Variants in NPEPPS observed in about 807,000 individuals in gnomAD.
The protein encoded by NPEPPS is aminopeptidase puromycin sensitive, also known as puromycin-sensitive aminopeptidase.
Under a neutral mutation model 115.5 loss-of-function variants are expected in NPEPPS, and 14 were observed. The observed-to-expected ratio is 0.12, with a 90% confidence interval of 0.08 to 0.19. The LOEUF is 0.19. Ranked by LOEUF, NPEPPS falls within the 10% of genes least tolerant of loss-of-function variation. The pLI, the probability that NPEPPS is intolerant of heterozygous loss-of-function variation, is 1.00. For synonymous variants in NPEPPS, 285 were observed against 390.6 expected (o/e 0.73, Z 3.19); for missense variants, 523 against 1,110.8 (o/e 0.47, Z 7.52).
At position 47,613,751 on chromosome 17, in the gene NPEPPS, T is replaced by G. The variant is rs186171832; in HGVS notation, c.2295+26T>G. The G allele has an allele frequency of 2.0e-5, 32 of 1,570,788 alleles. No homozygotes were observed. The East Asian group carries it at 7.2e-4, about 35-fold the overall frequency. On this transcript the variant is annotated intron_variant, in intron 19 of 22. Transcript: ENST00000322157. ...GTAAGTATATTTGAGAAGGCTCCCA[T>G]TTCCTGCTTTTGAACTTGGATAGAC...
chr17:47,556,290 G>C (rs1289965224), intron 2 of NPEPPS, among the ~76,000 whole-genome samples: 2 of 151,146 alleles, frequency 1.3e-5, no homozygotes, highest in African/African-American at 4.9e-5. Context: ...GACTCTTAAC[G>C]AGCATGCTAC....
At chr17:47,568,014 A>G (rs534567613) in intron 2 of NPEPPS, among the ~76,000 whole-genome samples, 1 of 152,286 alleles carries the variant, frequency 6.6e-6, no homozygotes, top group East Asian at 1.9e-4. Context: ...TTGGATATAT[A>G]CTTAGGAATG....
intron 2 of NPEPPS, among the ~76,000 whole-genome samples, chr17:47,565,498 T>C (rs1597842866): frequency 2.1e-5 from 2 of 95,862 alleles, no homozygotes; most frequent in Non-Finnish European, 3.8e-5. Flanking sequence ...AGAGCAAGAC[T>C]CCATCTCAAA....
chr17:47,565,951 G>A (rs1302442335), intron 2 of NPEPPS, among the ~76,000 whole-genome samples: 2 of 152,080 alleles, frequency 1.3e-5, no homozygotes, highest in Non-Finnish European at 2.9e-5. Context: ...AGTAAAAGAG[G>A]CACCACCAGC....
chr17:47,559,848 G>A (rs1419934315), intron 2 of NPEPPS, among the ~76,000 whole-genome samples: 2 of 152,182 alleles, frequency 1.3e-5, no homozygotes, highest in Middle Eastern at 3.4e-3. Flanking sequence ...GGCTTAAGCA[G>A]TCCTTCCACC....
chr17:47,568,916 A>G (rs1007345841), intron 2 of NPEPPS, among the ~76,000 whole-genome samples: 2 of 151,592 alleles, frequency 1.3e-5, no homozygotes, highest in African/African-American at 4.8e-5. Context: ...CGGCCTCCCA[A>G]AGTGCTGGGA....
chr17:47,538,480 C>T (rs1480078743), intron 1 of NPEPPS, among the ~76,000 whole-genome samples: 2 of 149,472 alleles, frequency 1.3e-5, no homozygotes, highest in Non-Finnish European at 3.0e-5. Flanking sequence ...TCCTAAAGTG[C>T]TGGGATTACA....
chr17:47,590,828 G>C lies in NPEPPS; in HGVS notation c.1207G>C (p.Asp403His). Residue 403 changes from aspartate (D) to histidine (H), a missense_variant, in exon 10 of 23, where the codon GAT becomes CAT. Physicochemically the swap from Asp to His is moderately conservative, Grantham distance 81. Coordinates refer to ENST00000322157, the MANE Select transcript of NPEPPS (RefSeq NM_006310.4). Reference protein sequence around the residue: ...YDIWTQFVSADYTRAQELDAL... With the variant: ...YDIWTQFVSAHYTRAQELDAL... ...TATTTGGACTCAGTTTGTTTCTGCTGATTACACCCGTGCCCAGGAGCTTGA... is the reference window on the plus strand; with the variant it reads ...TATTTGGACTCAGTTTGTTTCTGCTCATTACACCCGTGCCCAGGAGCTTGA... 6.2e-7 allele frequency: 1 copy of C among 1,608,252 alleles called. No homozygotes were observed. Among genetic ancestry groups the C allele is most frequent in the Non-Finnish European group, 8.5e-7 (1 of 1,175,498 alleles).
At chr17:47,611,234 T>C (rs997508306) in intron 17 of NPEPPS, among the ~76,000 whole-genome samples, 5 of 151,290 alleles carry the variant, frequency 3.3e-5, no homozygotes, top group African/African-American at 1.2e-4. Flanking sequence ...CCGAGGCAGG[T>C]GGATCACCTG....
chr17:47,614,705 C>G lies in NPEPPS; in HGVS notation c.2295+980C>G, dbSNP rs148053481. Among the ~76,000 whole-genome samples, 13 of 152,310 alleles carry G rather than the reference C, an allele frequency of 8.5e-5. No individual in the cohort carries two copies. The East Asian group carries it at 2.5e-3, about 29-fold the overall frequency. On this transcript the variant is annotated intron_variant, in intron 19 of 22. Coordinates refer to ENST00000322157, the MANE Select transcript of NPEPPS (RefSeq NM_006310.4). Reference sequence around the variant, plus strand: ...ACAGTTCCGGTCTATAAAGAAATGGCTTGAGTGCACTGGCTACATTAGAGG... The same window carrying G: ...ACAGTTCCGGTCTATAAAGAAATGGGTTGAGTGCACTGGCTACATTAGAGG...
chr17:47,569,371 T>C, intron 2 of NPEPPS, 46 bp from the exon 3 acceptor site: 2 of 1,260,626 alleles, frequency 1.6e-6, no homozygotes, highest in Non-Finnish European at 1.1e-6. Flanking sequence ...GATTTCGTCT[T>C]GTCAGTCCAG....
At chr17:47,604,804 T>C (rs1913418697) in intron 16 of NPEPPS, among the ~76,000 whole-genome samples, 1 of 152,226 alleles carries the variant, frequency 6.6e-6, no homozygotes, top group East Asian at 1.9e-4. Flanking sequence ...TTTTCCTAAC[T>C]CTGTTAGTTC....
Position 47,561,733 on chromosome 17 carries a change from A to C in NPEPPS, c.341-7684A>C, listed in dbSNP as rs1394053601. Among the ~76,000 whole-genome samples, 3 of 152,312 alleles carry C rather than the reference A, an allele frequency of 2.0e-5. No homozygotes were observed. In the East Asian group the frequency reaches 5.8e-4, roughly 29 times the overall value. On this transcript the variant is annotated intron_variant, in intron 2 of 22. Coordinates refer to ENST00000322157, the MANE Select transcript of NPEPPS (RefSeq NM_006310.4). ...ATCATCCCCCAACATTCTGTCTTGG[A>C]GCTGACAGCAAAGAAATTATCTGAC...
Position 47,524,269 on chromosome 17 carries a change from A to G in NPEPPS, c.77+1206A>G, listed in dbSNP as rs576305417. 7.3e-5 allele frequency among the ~76,000 whole-genome samples: 11 copies of G among 151,680 alleles called. 1 individual carries two copies. The South Asian group carries it at 2.3e-3, about 32-fold the overall frequency. On this transcript the variant is annotated intron_variant, in intron 1 of 5. Coordinates refer to the NPEPPS transcript ENST00000525007. ...GGTTGTAGTGAGCCAAGATTGTGCC[A>G]CTGTACTCCAGCCTGGGCAACAAGA...
chr17:47,567,549 G>A (rs1910902803), intron 2 of NPEPPS, among the ~76,000 whole-genome samples: 1 of 152,030 alleles, frequency 6.6e-6, no homozygotes, highest in Non-Finnish European at 1.5e-5. Flanking sequence ...CTTTATTGAT[G>A]TATAATTCAC....
intron 22 of NPEPPS, 122 bp downstream of exon 22, chr17:47,619,906 C>A: frequency 1.2e-6 from 1 of 826,786 alleles, no homozygotes; most frequent in Non-Finnish European, 2.1e-6. Context: ...TAGAGAAAGA[C>A]ATCATGCAGG....
intron 5 of NPEPPS, among the ~76,000 whole-genome samples, chr17:47,584,821 AATTAT>A (rs1007278431): frequency 2.0e-5 from 3 of 152,052 alleles, no homozygotes; most frequent in Admixed American, 1.3e-4. Flanking sequence ...GAGATTCTAC[AATTAT>A]ATTATATTTA....
rs1379313744 is a variant in NPEPPS at position 47,598,717 on chromosome 17, TAGAACAG to T, written c.1537-951_1537-945del. ...TTTTAAGAAATAATAGTTTATCAGT[TAGAACAG>T]AGAACAGTAATGCCACACTTCTCAG... On this transcript the variant is annotated intron_variant, in intron 13 of 22. Transcript: ENST00000322157. Among the ~76,000 whole-genome samples the T allele has an allele frequency of 2.6e-5, 4 of 152,348 alleles. No individual in the cohort carries two copies. The East Asian group carries it at 5.8e-4, about 22-fold the overall frequency.
intron 1 of NPEPPS, among the ~76,000 whole-genome samples, chr17:47,542,875 A>G (rs1246133834): frequency 1.3e-5 from 2 of 152,148 alleles, no homozygotes; most frequent in African/African-American, 2.4e-5. Context: ...GTGGTGGCTC[A>G]CGTCTGTAAT....
Sources: gnomAD v4.1 joint callset for allele counts (sites outside exome capture counted in the v4.1 genomes callset) on GRCh38, gnomAD v4.1.1 for gene constraint, MANE v1.5 for transcripts, NCBI Gene and HGNC (gene_info 2026-07-23, HGNC 2026-07-21) for gene names.